RBFOX2: variants seen among roughly 807,000 people sequenced by gnomAD.
RBFOX2 encodes RNA binding protein fox-1 homolog 2.
Under a neutral mutation model 49.1 loss-of-function variants are expected in RBFOX2, and 10 were observed. The ratio of observed to expected loss-of-function variants is 0.20; its 90% CI spans 0.13 to 0.35. The LOEUF (loss-of-function observed/expected upper bound fraction) is 0.35. RBFOX2 is among the 10% of genes least tolerant of loss of function. The pLI, the probability that RBFOX2 is intolerant of heterozygous loss-of-function variation, is 1.00. For missense variants in RBFOX2, 323 were observed against 486.9 expected (o/e 0.66, Z 3.17); for synonymous variants, 183 against 187.4 (o/e 0.98, Z 0.19).
At chr22:35,818,166 C>T (rs560651657) in intron 1 of RBFOX2, among the ~76,000 whole-genome samples, 1 of 152,286 alleles carries the variant, frequency 6.6e-6, no homozygotes, top group South Asian at 2.1e-4. Context: ...ATATTTCCAA[C>T]CTCTTAAAAG....
At chr22:35,793,986 A>G (rs1948280306) in intron 2 of RBFOX2, among the ~76,000 whole-genome samples, 1 of 152,202 alleles carries the variant, frequency 6.6e-6, no homozygotes, top group South Asian at 2.1e-4. Flanking sequence ...ACAGCAAGTC[A>G]TTTTTTTAAA....
chr22:35,822,734 T>C (rs147239281), intron 1 of RBFOX2: 158 of 399,360 alleles, frequency 4.0e-4, no homozygotes, highest in Non-Finnish European at 6.9e-4. Flanking sequence ...TGCCAATATC[T>C]AACACACACA....
chr22:35,954,150 T>C, intron 1 of RBFOX2, among the ~76,000 whole-genome samples: 1 of 152,138 alleles, frequency 6.6e-6, no homozygotes, highest in East Asian at 1.9e-4. Flanking sequence ...AATTTGGATT[T>C]ATGAGTGATA....
At chr22:35,942,858 T>C (rs2053848797), upstream of RBFOX2, among the ~76,000 whole-genome samples, 2 of 152,218 alleles carry the variant, frequency 1.3e-5, no homozygotes, top group Admixed American at 1.3e-4. Flanking sequence ...ACCCAAATTT[T>C]ACATTGTGTA....
intron 1 of RBFOX2, chr22:35,993,978 C>T (rs538405090): frequency 6.6e-6 from 1 of 152,080 alleles, no homozygotes; most frequent in African/African-American, 2.4e-5. Flanking sequence ...CAGAACGAGA[C>T]TGTCTCGAAA....
intron 2 of RBFOX2, among the ~76,000 whole-genome samples, chr22:35,783,838 G>A (rs553342934): frequency 5.3e-5 from 8 of 152,244 alleles, no homozygotes; most frequent in South Asian, 2.1e-4. Context: ...ACCAATACCC[G>A]CTTGAATGGG....
At chr22:35,863,125 C>G (rs1410674992) in intron 1 of RBFOX2, among the ~76,000 whole-genome samples, 3 of 151,990 alleles carry the variant, frequency 2.0e-5, no homozygotes, top group African/African-American at 7.3e-5. Context: ...ATACCTAGCA[C>G]AGGGCATTTA....
chr22:35,985,930 AG>A (rs1356898305), intron 1 of RBFOX2, among the ~76,000 whole-genome samples: 3 of 151,902 alleles, frequency 2.0e-5, no homozygotes, highest in Non-Finnish European at 4.4e-5. Context: ...ATAGATAGAT[AG>A]ATAGATAGAT....
Position 35,840,172 on chromosome 22 carries a change from C to A in RBFOX2, c.27+20G>T. 3 of 1,613,044 alleles carry A rather than the reference C, an allele frequency of 1.9e-6. 1 individual carries two copies. Among genetic ancestry groups the A allele is most frequent in the East Asian group, 4.5e-5 (2 of 44,868 alleles). On this transcript the variant is annotated intron_variant, in intron 1 of 11. Transcript: ENST00000405409. ...CCCAGAGAGGAGAAAAGAAACATGC[C>A]GAGGAAGCACAAATCTTACCTGAGT...
chr22:35,926,536 A>G (rs1461611180), intron 1 of RBFOX2, among the ~76,000 whole-genome samples: 2 of 152,204 alleles, frequency 1.3e-5, no homozygotes, highest in Non-Finnish European at 2.9e-5. Flanking sequence ...TATTTAAGCA[A>G]CTGGGTCATG....
chr22:35,789,922 T>G (rs939212273), intron 2 of RBFOX2, among the ~76,000 whole-genome samples: 1 of 152,016 alleles, frequency 6.6e-6, no homozygotes. Context: ...GAAGTCTGAG[T>G]GGGTGGAGTG....
At chr22:35,897,496 C>T (rs2048002616) in intron 1 of RBFOX2, 2 of 820,122 alleles carry the variant, frequency 2.4e-6, no homozygotes, top group African/African-American at 1.7e-5. Flanking sequence ...TCTCTTGCTA[C>T]CCACTGATAG....
chr22:35,933,792 AC>A (rs2052697034), intron 1 of RBFOX2, among the ~76,000 whole-genome samples: 1 of 151,890 alleles, frequency 6.6e-6, no homozygotes, highest in South Asian at 2.1e-4. Flanking sequence ...AAACTAGTAA[AC>A]AACTCTCTCC....
At chr22:35,898,383 G>A (rs183065548) in intron 1 of RBFOX2, 16 of 601,556 alleles carry the variant, frequency 2.7e-5, no homozygotes, top group South Asian at 5.3e-5. Flanking sequence ...CAGACAACCC[G>A]GGATTGTGCA....
intron 4 of RBFOX2, among the ~76,000 whole-genome samples, chr22:35,773,057 AAAAC>A (rs987264411): frequency 5.9e-5 from 9 of 151,536 alleles, no homozygotes; most frequent in Admixed American, 2.6e-4. Context: ...AGAAAAAAAA[AAAAC>A]AAACTAAGCC....
chr22:35,799,850 C>T (rs1167240009), intron 2 of RBFOX2, among the ~76,000 whole-genome samples: 3 of 151,778 alleles, frequency 2.0e-5, no homozygotes, highest in African/African-American at 7.3e-5. Context: ...CTACTCGTGG[C>T]GGCTGAGGCA....
chr22:35,812,216 G>A (rs1168786240), intron 1 of RBFOX2, among the ~76,000 whole-genome samples: 2 of 151,006 alleles, frequency 1.3e-5, no homozygotes, highest in South Asian at 2.1e-4. Context: ...AACTGACATC[G>A]CTGCCATTAA....
In RBFOX2 at chr22:35,742,408, T is replaced by C. The variant is rs141298442; in HGVS notation, c.*1787A>G. 377 of 152,790 alleles carry C rather than the reference T, an allele frequency of 2.5e-3. 1 individual carries two copies. The highest frequency in any genetic ancestry group is 0.024 in the Middle Eastern group (7 of 294). The allele number at this position is 152,790 out of a possible 1,614,324, so 9.5% of individuals were successfully genotyped here. ...CACTCTGCTTACAAAGAATGCTTGATGCTGTCATAGGTCAGTCATTTTAAT... is the reference window on the plus strand; with the variant it reads ...CACTCTGCTTACAAAGAATGCTTGACGCTGTCATAGGTCAGTCATTTTAAT... On this transcript the variant is annotated 3_prime_UTR_variant, in exon 12 of 12. Transcript: ENST00000405409.
rs879364289 is a variant in RBFOX2 at position 35,960,300 on chromosome 22, TTC to T, written c.42+1261_42+1262del. The stretch of plus-strand genomic sequence containing the variant: ...GAGGTTGGTACTCACAGCACTATCA[TTC>T]CCATTTTACACATGAGGAAGCCAAC... On this transcript the variant is annotated intron_variant, in intron 1 of 5. Transcript: ENST00000408983. Among the ~76,000 whole-genome samples the T allele has an allele frequency of 9.7e-3, 1,477 of 152,290 alleles. 11 individuals carry two copies. Among genetic ancestry groups the T allele is most frequent in the Middle Eastern group, 0.027 (8 of 294 alleles).
Sources: gnomAD v4.1 joint callset for allele counts (sites outside exome capture counted in the v4.1 genomes callset) on GRCh38, gnomAD v4.1.1 for gene constraint, MANE v1.5 for transcripts, NCBI Gene and HGNC (gene_info 2026-07-23, HGNC 2026-07-21) for gene names.